The following NOS1AP variants were observed in gnomAD, a reference collection of about 807,000 sequenced individuals.
The protein encoded by NOS1AP is carboxyl-terminal PDZ ligand of neuronal nitric oxide synthase protein.
A neutral mutation model predicts 56.2 loss-of-function variants in NOS1AP; 21 were observed. That is an observed-to-expected ratio of 0.37 (90% CI 0.26 to 0.54). The LOEUF is 0.54. Among genes scored for constraint, NOS1AP ranks in the 20% least tolerant of loss-of-function variants. The pLI is 0.84. For synonymous variants in NOS1AP, 270 were observed against 274.6 expected, an observed-to-expected ratio of 0.98 and a Z score of 0.17; for missense variants, 522 against 657.8, an observed-to-expected ratio of 0.79 and a Z score of 2.26.
intron 3 of NOS1AP, among the ~76,000 whole-genome samples, chr1:162,295,171 C>T (rs188763745): frequency 7.5e-4 from 114 of 152,138 alleles, no homozygotes; most frequent in African/African-American, 2.4e-3. Context: ...GGTGTGTGTC[C>T]CCTCCTTTTC....
At chr1:162,183,745 C>T (rs1163064584) in intron 2 of NOS1AP, among the ~76,000 whole-genome samples, 2 of 152,222 alleles carry the variant, frequency 1.3e-5, no homozygotes, top group Admixed American at 1.3e-4. Flanking sequence ...CCTCTCTCAG[C>T]CTTTATAGAA....
chr1:162,310,064 G>A (rs1278483414), intron 4 of NOS1AP, among the ~76,000 whole-genome samples: 1 of 152,040 alleles, frequency 6.6e-6, no homozygotes, highest in African/African-American at 2.4e-5. Context: ...TCCAAAATCA[G>A]AGACCTCCCA....
intron 1 of NOS1AP, among the ~76,000 whole-genome samples, chr1:162,101,209 T>A (rs1166555878): frequency 6.6e-6 from 1 of 152,066 alleles, no homozygotes; most frequent in Non-Finnish European, 1.5e-5. Context: ...TTCCCCATTG[T>A]TTGTTTTTGT....
At chr1:162,259,642 A>G (rs1019175070) in intron 2 of NOS1AP, among the ~76,000 whole-genome samples, 1 of 152,228 alleles carries the variant, frequency 6.6e-6, no homozygotes, top group Non-Finnish European at 1.5e-5. Flanking sequence ...ACTTTCAATT[A>G]TGTTCATAGT....
chr1:162,191,286 C>G (rs1325910683), intron 2 of NOS1AP, among the ~76,000 whole-genome samples: 1 of 152,218 alleles, frequency 6.6e-6, no homozygotes, highest in African/African-American at 2.4e-5. Flanking sequence ...CTCTGAGGAT[C>G]TTCCTGCCCT....
At chr1:162,181,587 G>A (rs547731052) in intron 2 of NOS1AP, among the ~76,000 whole-genome samples, 8 of 151,752 alleles carry the variant, frequency 5.3e-5, no homozygotes, top group Admixed American at 1.3e-4. Context: ...TATTTTTAAG[G>A]GCTTTTCTAG....
At chr1:162,180,364 C>A (rs1054593016) in intron 2 of NOS1AP, among the ~76,000 whole-genome samples, 3 of 152,182 alleles carry the variant, frequency 2.0e-5, no homozygotes, top group African/African-American at 7.2e-5. Flanking sequence ...TCTGCCTCAG[C>A]CTTCTGAGTA....
chr1:162,117,752 G>A (rs1325410183), intron 1 of NOS1AP, among the ~76,000 whole-genome samples: 1 of 152,192 alleles, frequency 6.6e-6, no homozygotes, highest in East Asian at 1.9e-4. Flanking sequence ...CAACTGGAAC[G>A]AGTTGGGGCT....
intron 2 of NOS1AP, among the ~76,000 whole-genome samples, chr1:162,223,529 G>A (rs1261377440): frequency 6.6e-6 from 1 of 152,142 alleles, no homozygotes; most frequent in East Asian, 1.9e-4. Flanking sequence ...AAAGAGGTTG[G>A]GGCTCCAAGG....
At chr1:162,142,478 G>GT (rs1649278551) in intron 1 of NOS1AP, among the ~76,000 whole-genome samples, 1 of 151,480 alleles carries the variant, frequency 6.6e-6, no homozygotes, top group African/African-American at 2.4e-5. Context: ...TCAAATGTGG[G>GT]GTTTTTTTTG....
At chr1:162,087,552 T>C (rs1026702237) in intron 1 of NOS1AP, among the ~76,000 whole-genome samples, 19 of 152,162 alleles carry the variant, frequency 1.2e-4, no homozygotes, top group African/African-American at 4.6e-4. Context: ...TTTCATCTCT[T>C]TGTACTTCAG....
At chr1:162,172,947 G>A (rs1362910453) in intron 2 of NOS1AP, among the ~76,000 whole-genome samples, 2 of 151,124 alleles carry the variant, frequency 1.3e-5, no homozygotes, top group South Asian at 2.1e-4. Context: ...TTTGTGATGG[G>A]GTCTCAGTCT....
At chr1:162,240,284 T>TGTGTGTGTGTGTGTG (rs1553198216) in intron 2 of NOS1AP, among the ~76,000 whole-genome samples, 5 of 151,034 alleles carry the variant, frequency 3.3e-5, no homozygotes, top group African/African-American at 1.2e-4. Flanking sequence ...TGTGTGTGTG[T>TGTGTGTGTGTGTGTG]TGAGGCATGC....
At chr1:162,111,908 C>A (rs925235044) in intron 1 of NOS1AP, among the ~76,000 whole-genome samples, 1 of 152,164 alleles carries the variant, frequency 6.6e-6, no homozygotes, top group African/African-American at 2.4e-5. Context: ...GTCCTCAGGG[C>A]CTCATTGCCA....
intron 2 of NOS1AP, among the ~76,000 whole-genome samples, chr1:162,218,470 T>C (rs1045163507): frequency 1.3e-5 from 2 of 152,210 alleles, no homozygotes; most frequent in African/African-American, 4.8e-5. Context: ...TTTATAATAA[T>C]GATAATAGGC....
intron 2 of NOS1AP, among the ~76,000 whole-genome samples, chr1:162,158,114 T>C (rs1650046236): frequency 6.6e-6 from 1 of 152,242 alleles, no homozygotes; most frequent in African/African-American, 2.4e-5. Context: ...CTTTTTCATC[T>C]TGCAAAATGG....
chr1:162,144,035 T>C (rs1034832251), intron 1 of NOS1AP, among the ~76,000 whole-genome samples: 18 of 152,258 alleles, frequency 1.2e-4, no homozygotes. Flanking sequence ...GGCACCATTT[T>C]TATTTATGTG....
intron 2 of NOS1AP, among the ~76,000 whole-genome samples, chr1:162,250,176 C>T (rs1653802633): frequency 6.6e-6 from 1 of 152,168 alleles, no homozygotes; most frequent in South Asian, 2.1e-4. Context: ...GCTTCTAGGA[C>T]CAAACCAAAT....
At chr1:162,185,056 G>T (rs899404148) in intron 2 of NOS1AP, among the ~76,000 whole-genome samples, 1 of 152,158 alleles carries the variant, frequency 6.6e-6, no homozygotes, top group Non-Finnish European at 1.5e-5. Flanking sequence ...GCTTAAAGAG[G>T]CTGCTGGTAT....
Sources: allele counts gnomAD v4.1 joint callset (sites outside exome capture counted in the v4.1 genomes callset), GRCh38; gene constraint gnomAD v4.1.1; transcripts MANE v1.5; gene names NCBI Gene and HGNC (gene_info 2026-07-23, HGNC 2026-07-21).